ZNF19: variants seen among roughly 807,000 people sequenced by gnomAD.
The protein encoded by ZNF19 is zinc finger protein 19.
ZNF19 carries 11 observed loss-of-function variants against 13.1 expected under a neutral mutation model. The observed-to-expected ratio is 0.84, with a 90% CI of 0.53 to 1.39. The LOEUF is 1.39. Among genes scored for constraint, ZNF19 ranks in the 40% most tolerant of loss-of-function variants. The probability of loss-of-function intolerance (pLI) is 0.00; values close to 1 mark genes in which losing one functional copy is unlikely to be tolerated. For missense variants in ZNF19, 560 were observed against 547.0 expected, an observed-to-expected ratio of 1.02 and a Z score of -0.24; for synonymous variants, 186 against 187.0, an observed-to-expected ratio of 0.99 and a Z score of 0.04.
At position 71,475,093 on chromosome 16, in the gene ZNF19, G is replaced by T; in HGVS notation, c.*77C>A. 6.9e-7 allele frequency: 1 copy of T among 1,449,342 alleles called. No homozygotes were observed. Among genetic ancestry groups the T allele is most frequent in the Non-Finnish European group, 9.2e-7 (1 of 1,089,744 alleles). 89.8% of individuals were successfully genotyped at this position (1,449,342 alleles called of 1,614,324 possible). ...TGGCTTGAGGGATGGATCAGAGGCT[G>T]AGTCAGGCCTGTGTCACACATTCCA... On this transcript the variant is annotated 3_prime_UTR_variant, in exon 6 of 6. Transcript: ENST00000288177.
At position 71,478,351 on chromosome 16, in the gene ZNF19, G is replaced by A; in HGVS notation, c.161-10C>T. 1 of 1,590,940 alleles carries A rather than the reference G, an allele frequency of 6.3e-7. No individual in the cohort carries two copies. Among genetic ancestry groups the A allele is most frequent in the South Asian group, 1.1e-5 (1 of 90,128 alleles). On this transcript the variant is annotated splice_polypyrimidine_tract_variant and intron_variant, in intron 4 of 5. Coordinates refer to ENST00000288177, the MANE Select transcript of ZNF19 (RefSeq NM_006961.4). The stretch of plus-strand genomic sequence containing the variant: ...TTGGGAACTGGGTACCCTGAAAACA[G>A]GAAGAAAATGGTACTTTTCAGCCCT...
chr16:71,481,310 T>C (rs1273074969), intron 3 of ZNF19, among the ~76,000 whole-genome samples: 1 of 152,202 alleles, frequency 6.6e-6, no homozygotes, highest in Non-Finnish European at 1.5e-5. Context: ...ATATGGTTCA[T>C]GGATACTAAG....
chr16:71,478,157 G>C, intron 5 of ZNF19, 71 bp downstream of exon 5: 3 of 1,012,388 alleles, frequency 3.0e-6, no homozygotes, highest in Non-Finnish European at 4.5e-6. Context: ...ATCCTGCCCA[G>C]CATGATTCAT....
chr16:71,479,697 C>T (rs2043625762), intron 3 of ZNF19, among the ~76,000 whole-genome samples: 1 of 152,180 alleles, frequency 6.6e-6, no homozygotes, highest in South Asian at 2.1e-4. Context: ...AGCTCCTTAT[C>T]TTTATAGCTC....
rs2043703907 is a variant in ZNF19, at chr16:71,489,263, CT to C, written c.-190+8del. The stretch of plus-strand genomic sequence containing the variant: ...CTCCGCCCAACTGTGGGTCCTTGCA[CT>C]TTGGCACCTTTGAGCGCGGACTCAA... On this transcript the variant is annotated splice_region_variant and intron_variant, in intron 1 of 5. Coordinates refer to ENST00000288177, the MANE Select transcript of ZNF19 (RefSeq NM_006961.4). 1 of 985,624 alleles carries C rather than the reference CT, an allele frequency of 1.0e-6. No homozygotes were observed. The highest frequency in any genetic ancestry group is 4.7e-5 in the South Asian group (1 of 21,294). The allele number at this position is 985,624 out of a possible 1,614,324, so 61.1% of individuals were successfully genotyped here.
At chr16:71,478,607 T>G (rs930046602) in intron 4 of ZNF19, 1 of 664,704 alleles carries the variant, frequency 1.5e-6, no homozygotes, top group Non-Finnish European at 2.7e-6. Context: ...CAACTACTAC[T>G]TATTCCTTAC....
intron 3 of ZNF19, among the ~76,000 whole-genome samples, chr16:71,481,435 T>C (rs1056841538): frequency 2.0e-5 from 3 of 152,218 alleles, no homozygotes; most frequent in African/African-American, 4.8e-5. Flanking sequence ...AAGGTACTTA[T>C]GTTCACCTTA....
At chr16:71,488,590 G>C (rs1034381548) in intron 1 of ZNF19, among the ~76,000 whole-genome samples, 1 of 152,282 alleles carries the variant, frequency 6.6e-6, no homozygotes, top group Middle Eastern at 3.4e-3. Context: ...CCTGAGGTCA[G>C]GAGTTTGAGA....
At chr16:71,479,372 C>T (rs918283367) in intron 3 of ZNF19, among the ~76,000 whole-genome samples, 2 of 152,170 alleles carry the variant, frequency 1.3e-5, no homozygotes, top group African/African-American at 4.8e-5. Flanking sequence ...CAATTTGCTT[C>T]AAATGGTATC....
chr16:71,482,447 G>A lies in ZNF19; in HGVS notation c.-29-304C>T, dbSNP rs958799467. 3 of 269,302 alleles carry A rather than the reference G, an allele frequency of 1.1e-5. No individual in the cohort carries two copies. The Admixed American group carries it at 1.4e-4, about 13-fold the overall frequency. The allele number at this position is 269,302 out of a possible 1,614,324, so 16.7% of individuals were successfully genotyped here. A position where few individuals can be genotyped will look rare whatever the true frequency, so the allele number is the denominator to read the frequency against. ...AACTCAGAGCGAAACCTAACAAGAA[G>A]AATCTCAGACCTTTATTTTTAAAAA... On this transcript the variant is annotated intron_variant, in intron 2 of 5. Coordinates refer to ENST00000288177, the MANE Select transcript of ZNF19 (RefSeq NM_006961.4).
chr16:71,476,951 T>C (rs2043606350), intron 5 of ZNF19, among the ~76,000 whole-genome samples: 2 of 152,166 alleles, frequency 1.3e-5, no homozygotes, highest in Non-Finnish European at 2.9e-5. Flanking sequence ...TGTCCTAGAC[T>C]CTCTATTTGA....
chr16:71,475,666 A>T lies in ZNF19; in HGVS notation c.881T>A (p.Ile294Asn). The change falls in exon 6 of 6, where the codon ATC (isoleucine) becomes AAC (asparagine). Residue 294 changes from isoleucine (I) to asparagine (N), a missense_variant. Ile to Asn is a moderately radical substitution (Grantham distance 149). Transcript: ENST00000288177. The part of the protein sequence containing the change: ...GNSPLLRHQK[I>N]HTGEKPYECN... ...CTCATAGGGTTTCTCTCCAGTGTGGATTTTCTGATGCCGAAGTAGGGGTGA... is the reference window on the plus strand; with the variant it reads ...CTCATAGGGTTTCTCTCCAGTGTGGTTTTTCTGATGCCGAAGTAGGGGTGA... 6.2e-7 allele frequency: 1 copy of T among 1,612,670 alleles called. No homozygotes were observed. The highest frequency in any genetic ancestry group is 8.5e-7 in the Non-Finnish European group (1 of 1,178,942).
intron 1 of ZNF19, 130 bp from the exon 2 acceptor site, chr16:71,484,878 G>A: frequency 1.1e-5 from 3 of 277,780 alleles, no homozygotes; most frequent in Non-Finnish European, 1.1e-5. Flanking sequence ...AGAAATCACA[G>A]ATATTTTCAT....
chr16:71,479,236 A>C (rs2043622104), intron 3 of ZNF19: 1 of 552,586 alleles, frequency 1.8e-6, no homozygotes, highest in Non-Finnish European at 3.2e-6. Flanking sequence ...TGACTGTCAT[A>C]AAATGTGATT....
At position 71,475,763 on chromosome 16, in the gene ZNF19, T is replaced by C. The variant is rs372256168; in HGVS notation, c.784A>G (p.Ile262Val). The change falls in exon 6 of 6, where the codon ATA (isoleucine) becomes GTA (valine). Residue 262 changes from isoleucine (I) to valine (V), a missense_variant. Physicochemically the swap from Ile to Val is conservative, Grantham distance 29 (BLOSUM62 3). Coordinates refer to ENST00000288177, the MANE Select transcript of ZNF19 (RefSeq NM_006961.4). ...NSFTSSSEFVIHQRIHTGEKP... is the reference protein window; with the variant it reads ...NSFTSSSEFVVHQRIHTGEKP... ...TCCCCAGTGTGGATTCTCTGATGTA[T>C]AACAAACTCGGAACTACTCGTGAAA... 11 of 1,612,978 alleles carry C rather than the reference T, an allele frequency of 6.8e-6. No homozygotes were observed. The highest frequency in any genetic ancestry group is 1.3e-5 in the African/African-American group (1 of 74,826).
intron 1 of ZNF19, among the ~76,000 whole-genome samples, chr16:71,486,176 C>G (rs894989578): frequency 6.0e-4 from 67 of 112,538 alleles, no homozygotes; most frequent in Non-Finnish European, 9.5e-4. Context: ...AACCCTGTCT[C>G]TACCGAAAAA....
At position 71,488,692 on chromosome 16, in the gene ZNF19, G is replaced by T. The variant is rs556924095; in HGVS notation, c.-190+580C>A. ...CAGGCACCTGTAATCCCAGCTACTC[G>T]GGAGGCTGAGGCAGGAGAATCACTT... is the stretch of plus-strand genomic sequence containing the variant. On this transcript the variant is annotated intron_variant, in intron 1 of 5. Transcript: ENST00000288177. 2.1e-3 allele frequency among the ~76,000 whole-genome samples: 326 copies of T among 152,092 alleles called. 2 individuals carry two copies. The highest frequency in any genetic ancestry group is 7.5e-3 in the African/African-American group (312 of 41,498).
intron 1 of ZNF19, chr16:71,488,994 T>C (rs1269881341): frequency 6.5e-6 from 1 of 153,466 alleles, no homozygotes; most frequent in East Asian, 1.9e-4. Flanking sequence ...GCTGGAGTCC[T>C]TGCCTCTCCT....
intron 5 of ZNF19, chr16:71,477,914 G>A (rs150873095): frequency 1.9e-4 from 47 of 249,704 alleles, no homozygotes; most frequent in South Asian, 1.4e-3. Flanking sequence ...GTACCTGCCA[G>A]AACTTCTTAA....
Sources: gnomAD v4.1 joint callset for allele counts (sites outside exome capture counted in the v4.1 genomes callset) on GRCh38, gnomAD v4.1.1 for gene constraint, MANE v1.5 for transcripts, NCBI Gene and HGNC (gene_info 2026-07-23, HGNC 2026-07-21) for gene names.